The following DENND1A variants were observed in gnomAD, a reference collection of about 807,000 sequenced individuals.
DENND1A encodes the protein DENN domain containing 1A, also known as DENN domain-containing protein 1A.
Under a neutral mutation model 113.7 loss-of-function variants are expected in DENND1A, and 51 were observed. The ratio of observed to expected loss-of-function variants is 0.45; its 90% CI spans 0.36 to 0.57. The LOEUF is 0.57. DENND1A is among the 20% of genes least tolerant of loss of function. The pLI, the probability that DENND1A is intolerant of heterozygous loss-of-function variation, is 0.00. For synonymous variants in DENND1A, 565 were observed against 570.8 expected (o/e 0.99, Z 0.14); for missense variants, 1,258 against 1,395.9 (o/e 0.90, Z 1.57).
Position 123,454,180 on chromosome 9 carries a change from G to A in DENND1A, c.1227+559C>T, listed in dbSNP as rs1024729871. Among the ~76,000 whole-genome samples, 17 of 152,294 alleles carry A rather than the reference G, an allele frequency of 1.1e-4. No homozygotes were observed. In the South Asian group the frequency reaches 3.1e-3, roughly 28 times the overall value. On this transcript the variant is annotated intron_variant, in intron 16 of 23. Coordinates refer to ENST00000394215, the MANE Select transcript of DENND1A (RefSeq NM_001352964.2). ...TACCCTGCTCCCTGCTGCATCCCCAGTACCCAGCAGGGTGCCTGGCACACA... is the reference window on the plus strand; with the variant it reads ...TACCCTGCTCCCTGCTGCATCCCCAATACCCAGCAGGGTGCCTGGCACACA...
intron 12 of DENND1A, among the ~76,000 whole-genome samples, chr9:123,582,030 C>T (rs982009415): frequency 3.9e-5 from 6 of 152,236 alleles, no homozygotes; most frequent in African/African-American, 1.2e-4. Context: ...ATGTGGCAGC[C>T]AGCTACTTTT....
At chr9:123,413,316 T>C in intron 19 of DENND1A, 1 of 657,460 alleles carries the variant, frequency 1.5e-6, no homozygotes, top group Non-Finnish European at 1.9e-6. Flanking sequence ...TTGGATATAT[T>C]GGGTTCATTA....
chr9:123,581,074 A>G (rs1198866663), intron 12 of DENND1A, among the ~76,000 whole-genome samples: 2 of 151,930 alleles, frequency 1.3e-5, no homozygotes, highest in Non-Finnish European at 2.9e-5. Flanking sequence ...GACACCTAGT[A>G]GGGCAGAGGG....
At chr9:123,736,680 A>G (rs1012822785) in intron 5 of DENND1A, among the ~76,000 whole-genome samples, 1 of 152,226 alleles carries the variant, frequency 6.6e-6, no homozygotes, top group Admixed American at 6.5e-5. Flanking sequence ...TAAGAAAACA[A>G]TTGTCAAAAA....
At chr9:123,609,159 C>T (rs865819874) in intron 11 of DENND1A, among the ~76,000 whole-genome samples, 2 of 152,200 alleles carry the variant, frequency 1.3e-5, no homozygotes, top group Non-Finnish European at 2.9e-5. Context: ...TCCCTTCCCT[C>T]GTTCAAACCC....
intron 12 of DENND1A, among the ~76,000 whole-genome samples, chr9:123,562,125 G>A (rs1005475514): frequency 1.3e-5 from 2 of 151,966 alleles, no homozygotes; most frequent in Admixed American, 6.6e-5. Context: ...AAAACCCTTC[G>A]GTGCCCCCGC....
chr9:123,684,667 C>T (rs1159617271), intron 5 of DENND1A, among the ~76,000 whole-genome samples: 2 of 152,204 alleles, frequency 1.3e-5, no homozygotes, highest in Non-Finnish European at 2.9e-5. Context: ...AACATTTTTA[C>T]AGAATTTAAA....
At chr9:123,386,887 G>A (rs1187401884) in intron 22 of DENND1A, among the ~76,000 whole-genome samples, 1 of 152,236 alleles carries the variant, frequency 6.6e-6, no homozygotes, top group Non-Finnish European at 1.5e-5. Flanking sequence ...TTGGGAACAG[G>A]GAGAGGGTGC....
At chr9:123,806,138 G>C (rs35562318) in intron 2 of DENND1A, among the ~76,000 whole-genome samples, 1 of 152,042 alleles carries the variant, frequency 6.6e-6, no homozygotes, top group South Asian at 2.1e-4. Context: ...ATTTTCAGTA[G>C]AGATGGGGTT....
intron 2 of DENND1A, among the ~76,000 whole-genome samples, chr9:123,845,670 CAAAA>C (rs555731367): frequency 1.1e-3 from 47 of 44,088 alleles, no homozygotes; most frequent in East Asian, 4.4e-3. Flanking sequence ...AACCTGTCTC[CAAAA>C]AAAAAAAAAA....
Position 123,757,785 on chromosome 9 carries a change from C to T in DENND1A, c.220G>A (p.Val74Met), listed in dbSNP as rs749587293. 1.9e-6 allele frequency: 3 copies of T among 1,614,000 alleles called. No homozygotes were observed. Among genetic ancestry groups the T allele is most frequent in the East Asian group, 2.2e-5 (1 of 44,840 alleles). The change falls in exon 5 of 24, where the codon GTG (valine) becomes ATG (methionine). Residue 74 changes from valine (V) to methionine (M), a missense_variant. Val to Met is a conservative substitution (Grantham distance 21, BLOSUM62 1). Coordinates refer to ENST00000394215, the MANE Select transcript of DENND1A (RefSeq NM_001352964.2). ...VSQVGQNFTF[V>M]LTDIDSKQRF... ...TGTTTGCTGTCAATGTCAGTGAGCA[C>T]GAATGTGAAGTTCTGGCCAACTTGG...
intron 5 of DENND1A, among the ~76,000 whole-genome samples, chr9:123,688,130 AG>A (rs2064933352): frequency 6.6e-6 from 1 of 152,244 alleles, no homozygotes. Flanking sequence ...AATTCTAGAT[AG>A]GGTACCATCA....
Position 123,794,156 on chromosome 9 carries a change from C to T in DENND1A, c.89-1526G>A, listed in dbSNP as rs561265861. 1.6e-3 allele frequency among the ~76,000 whole-genome samples: 246 copies of T among 152,208 alleles called. 1 individual carries two copies. The highest frequency in any genetic ancestry group is 2.4e-3 in the Non-Finnish European group (161 of 68,008). On this transcript the variant is annotated intron_variant, in intron 2 of 23. Transcript: ENST00000394215. ...CAGCCCTCGTGAGAGAGGAGGCCAGCGGGCACCAAGAGTGTGGCAGGAAAA... is the reference window on the plus strand; with the variant it reads ...CAGCCCTCGTGAGAGAGGAGGCCAGTGGGCACCAAGAGTGTGGCAGGAAAA...
chr9:123,703,767 T>C (rs1279853743), intron 5 of DENND1A, among the ~76,000 whole-genome samples: 1 of 152,072 alleles, frequency 6.6e-6, no homozygotes, highest in East Asian at 1.9e-4. Context: ...TAAAGTTAAT[T>C]GACAATGAAA....
At chr9:123,431,642 ATACCACCTGAG>A (rs1432033205) in intron 19 of DENND1A, among the ~76,000 whole-genome samples, 1 of 152,228 alleles carries the variant, frequency 6.6e-6, no homozygotes, top group Non-Finnish European at 1.5e-5. Flanking sequence ...CCAAGAGAGG[ATACCACCTGAG>A]CCCCTTACAG....
At chr9:123,846,887 T>C (rs933596279) in intron 2 of DENND1A, among the ~76,000 whole-genome samples, 1 of 152,238 alleles carries the variant, frequency 6.6e-6, no homozygotes, top group Non-Finnish European at 1.5e-5. Flanking sequence ...CTCCACAATT[T>C]AAATAATATA....
chr9:123,682,690 A>C (rs562104575), intron 5 of DENND1A, among the ~76,000 whole-genome samples: 26 of 152,244 alleles, frequency 1.7e-4, no homozygotes, highest in Admixed American at 1.6e-3. Flanking sequence ...GCTCCTTTCT[A>C]GATGTGACAC....
rs541476320 is a variant in DENND1A, at chr9:123,451,008, C to G, written c.1300-259G>C. 5.3e-5 allele frequency among the ~76,000 whole-genome samples: 8 copies of G among 152,178 alleles called. No individual in the cohort carries two copies. The South Asian group carries it at 1.2e-3, about 24-fold the overall frequency. On this transcript the variant is annotated intron_variant, in intron 17 of 23. Coordinates refer to ENST00000394215, the MANE Select transcript of DENND1A (RefSeq NM_001352964.2). ...TTTTTTTTTCTTTCCGTTCCAAAGCCCTTCTTCTGCTCTCTATAATTATTT... is the reference window on the plus strand; with the variant it reads ...TTTTTTTTTCTTTCCGTTCCAAAGCGCTTCTTCTGCTCTCTATAATTATTT...
chr9:123,495,170 T>TCTCTC (rs371539514), intron 13 of DENND1A, among the ~76,000 whole-genome samples: 30 of 149,488 alleles, frequency 2.0e-4, no homozygotes, highest in African/African-American at 4.7e-4. Context: ...TCTCTCTCTC[T>TCTCTC]TATAATGTCT....
Sources: allele counts gnomAD v4.1 joint callset (sites outside exome capture counted in the v4.1 genomes callset), GRCh38; gene constraint gnomAD v4.1.1; transcripts MANE v1.5; gene names NCBI Gene and HGNC (gene_info 2026-07-23, HGNC 2026-07-21).